Variants in HPSE2 observed in about 807,000 individuals in gnomAD.
HPSE2 encodes the protein heparanase 2 (inactive), also known as inactive heparanase-2.
In HPSE2, 38 loss-of-function variants were observed where a neutral mutation model predicts 60.5. The ratio of observed to expected loss-of-function variants is 0.63; its 90% CI spans 0.48 to 0.82. The LOEUF (loss-of-function observed/expected upper bound fraction) is 0.82. Ranked by LOEUF, HPSE2 falls within the 40% of genes least tolerant of loss-of-function variation. The pLI is 0.00. For missense variants in HPSE2, 713 were observed against 740.4 expected, an observed-to-expected ratio of 0.96 and a Z score of 0.43; for synonymous variants, 295 against 293.2, an observed-to-expected ratio of 1.01 and a Z score of -0.06.
chr10:98,893,286 C>T (rs12354522), intron 3 of HPSE2, among the ~76,000 whole-genome samples: 304 of 152,134 alleles, frequency 2.0e-3, no homozygotes, highest in Middle Eastern at 3.4e-3. Context: ...AGGCTGGTCT[C>T]GAACTCCCGA....
intron 2 of HPSE2, among the ~76,000 whole-genome samples, chr10:99,185,752 C>A (rs750294757): frequency 1.3e-5 from 2 of 149,650 alleles, no homozygotes; most frequent in East Asian, 2.0e-4. Context: ...CCAGCCTGGG[C>A]GACAGAGTGA....
intron 2 of HPSE2, among the ~76,000 whole-genome samples, chr10:99,173,080 T>C (rs952807964): frequency 2.0e-5 from 3 of 152,078 alleles, no homozygotes; most frequent in African/African-American, 4.8e-5. Context: ...GCCTGGAGTA[T>C]AGTAGGGTGG....
intron 3 of HPSE2, among the ~76,000 whole-genome samples, chr10:99,007,357 G>A (rs951436808): frequency 1.3e-5 from 2 of 152,166 alleles, no homozygotes; most frequent in Admixed American, 6.5e-5. Context: ...CTCCCCCAAG[G>A]AGAGAGTATC....
At chr10:98,752,989 A>G (rs1949793476) in intron 3 of HPSE2, among the ~76,000 whole-genome samples, 2 of 152,204 alleles carry the variant, frequency 1.3e-5, no homozygotes, top group African/African-American at 2.4e-5. Context: ...ATCTAAAATA[A>G]GTTGATCTCA....
chr10:98,641,816 C>T (rs770366765), intron 7 of HPSE2, 31 bp downstream of exon 7: 1 of 1,505,470 alleles, frequency 6.6e-7, no homozygotes. Context: ...CCCAGAATCG[C>T]TCCTTTTCTT....
At chr10:98,617,819 GA>G (rs1945956461) in intron 8 of HPSE2, among the ~76,000 whole-genome samples, 1 of 152,184 alleles carries the variant, frequency 6.6e-6, no homozygotes, top group Non-Finnish European at 1.5e-5. Flanking sequence ...AGCATACCAA[GA>G]GTATTTGTGG....
intron 3 of HPSE2, among the ~76,000 whole-genome samples, chr10:98,857,230 G>A (rs1041942517): frequency 6.6e-6 from 1 of 152,054 alleles, no homozygotes; most frequent in African/African-American, 2.4e-5. Context: ...TTTATTCTAG[G>A]GTCATTAACT....
At chr10:99,054,704 G>C (rs1488247500) in intron 3 of HPSE2, among the ~76,000 whole-genome samples, 1 of 152,118 alleles carries the variant, frequency 6.6e-6, no homozygotes, top group African/African-American at 2.4e-5. Context: ...AATATTTATT[G>C]TTTTTTGTTT....
chr10:99,083,600 C>T (rs1373803525), intron 3 of HPSE2, among the ~76,000 whole-genome samples: 1 of 152,164 alleles, frequency 6.6e-6, no homozygotes, highest in African/African-American at 2.4e-5. Context: ...TTTTATATGA[C>T]ATGGTACCCC....
At chr10:98,873,754 G>C (rs928894810) in intron 3 of HPSE2, among the ~76,000 whole-genome samples, 1 of 151,960 alleles carries the variant, frequency 6.6e-6, no homozygotes, top group Non-Finnish European at 1.5e-5. Flanking sequence ...TGGGTCAAAT[G>C]GTATTTCTCG....
At chr10:99,068,582 T>C (rs1842687593) in intron 3 of HPSE2, among the ~76,000 whole-genome samples, 1 of 152,208 alleles carries the variant, frequency 6.6e-6, no homozygotes, top group Non-Finnish European at 1.5e-5. Flanking sequence ...ATGTGGATTA[T>C]TACAATTCAA....
intron 9 of HPSE2, among the ~76,000 whole-genome samples, chr10:98,526,437 C>A (rs1176206263): frequency 6.6e-6 from 1 of 152,178 alleles, no homozygotes; most frequent in Non-Finnish European, 1.5e-5. Context: ...GGTTACAACA[C>A]CAACTCCTAT....
At chr10:98,627,488 G>A (rs1230640971) in intron 7 of HPSE2, among the ~76,000 whole-genome samples, 1 of 152,100 alleles carries the variant, frequency 6.6e-6, no homozygotes, top group African/African-American at 2.4e-5. Context: ...GACTTGCAGG[G>A]AGATTTGAAA....
intron 9 of HPSE2, among the ~76,000 whole-genome samples, chr10:98,545,209 A>G (rs2615205): frequency 0.97 from 146,624 of 151,720 alleles, 71,051 homozygotes; most frequent in East Asian, 1. Context: ...ATTCACAGCC[A>G]AATTCTACCA....
At chr10:98,816,194 TA>T (rs1951285978) in intron 3 of HPSE2, among the ~76,000 whole-genome samples, 2 of 152,040 alleles carry the variant, frequency 1.3e-5, no homozygotes, top group African/African-American at 4.8e-5. Flanking sequence ...TAAAATAATT[TA>T]AAAAAAGATT....
chr10:99,291,611 T>C, the HPSE2 span, among the ~76,000 whole-genome samples: 1 of 150,186 alleles, frequency 6.7e-6, no homozygotes, highest in Non-Finnish European at 1.5e-5. Flanking sequence ...AGAATCACCA[T>C]ATGTTAGTGC....
At chr10:98,603,158 C>T (rs1057364278) in intron 9 of HPSE2, among the ~76,000 whole-genome samples, 3 of 152,108 alleles carry the variant, frequency 2.0e-5, no homozygotes, top group Admixed American at 1.3e-4. Context: ...ACCACTGCCC[C>T]CAAAATTGGA....
intron 9 of HPSE2, among the ~76,000 whole-genome samples, chr10:98,495,031 AAGC>A (rs1276021080): frequency 5.9e-5 from 9 of 152,182 alleles, no homozygotes; most frequent in Admixed American, 2.0e-4. Flanking sequence ...TCATTGCAAC[AAGC>A]AGGACTCCCT....
chr10:99,105,968 A>C (rs1844232200), intron 3 of HPSE2, among the ~76,000 whole-genome samples: 1 of 152,124 alleles, frequency 6.6e-6, no homozygotes, highest in Non-Finnish European at 1.5e-5. Context: ...TTATCTGTAT[A>C]CCTATCTTTA....
Sources: gnomAD v4.1 joint callset for allele counts (sites outside exome capture counted in the v4.1 genomes callset) on GRCh38, gnomAD v4.1.1 for gene constraint, MANE v1.5 for transcripts, NCBI Gene and HGNC (gene_info 2026-07-23, HGNC 2026-07-21) for gene names.